Variants in PTPRO observed in about 807,000 individuals in gnomAD.
PTPRO encodes receptor-type tyrosine-protein phosphatase O.
In PTPRO, 62 loss-of-function variants were observed where a neutral mutation model predicts 145.2. That is an observed-to-expected ratio of 0.43 (90% confidence interval 0.35 to 0.53). The LOEUF (loss-of-function observed/expected upper bound fraction) is 0.53. PTPRO is among the 20% of genes least tolerant of loss of function. The pLI is 0.01. For missense variants in PTPRO, 1,345 were observed against 1,482.7 expected (o/e 0.91, Z 1.53); for synonymous variants, 565 against 514.7 (o/e 1.10, Z -1.32).
chr12:15,517,162 C>T (rs1942616887), intron 9 of PTPRO: 2 of 623,878 alleles, frequency 3.2e-6, no homozygotes, highest in Non-Finnish European at 5.6e-6. Context: ...CTTACAGTTC[C>T]ACGTGGCTGG....
chr12:15,413,629 A>C (rs1462843344), intron 1 of PTPRO, among the ~76,000 whole-genome samples: 1 of 152,110 alleles, frequency 6.6e-6, no homozygotes, highest in African/African-American at 2.4e-5. Flanking sequence ...AGCCTAGCAA[A>C]GATGATAAAA....
intron 18 of PTPRO, among the ~76,000 whole-genome samples, chr12:15,568,199 G>A (rs142440211): frequency 2.0e-5 from 3 of 152,060 alleles, no homozygotes; most frequent in African/African-American, 7.2e-5. Context: ...GGAGGCTGAG[G>A]CAGGTGGATC....
intron 12 of PTPRO, among the ~76,000 whole-genome samples, chr12:15,541,147 T>C (rs904227912): frequency 3.9e-5 from 6 of 152,206 alleles, no homozygotes; most frequent in African/African-American, 1.4e-4. Flanking sequence ...TTTGACCTTT[T>C]GGAGCATGAG....
At chr12:15,444,013 A>G (rs998451573) in intron 1 of PTPRO, among the ~76,000 whole-genome samples, 1 of 151,740 alleles carries the variant, frequency 6.6e-6, no homozygotes, top group East Asian at 1.9e-4. Context: ...AAAAAATTCT[A>G]CCAAAAAGAC....
chr12:15,462,540 T>TA (rs1285219685), intron 1 of PTPRO, among the ~76,000 whole-genome samples: 1 of 152,206 alleles, frequency 6.6e-6, no homozygotes, highest in African/African-American at 2.4e-5. Context: ...TGCTTATTTG[T>TA]AACTTATCTC....
chr12:15,328,313 G>C (rs1232174628), intron 1 of PTPRO, among the ~76,000 whole-genome samples: 1 of 151,944 alleles, frequency 6.6e-6, no homozygotes, highest in Non-Finnish European at 1.5e-5. Context: ...TTAGCCTTGT[G>C]CCAGAAAAGC....
rs530791194 is a variant in PTPRO at position 15,498,071 on chromosome 12, A to C, written c.508+668A>C. On this transcript the variant is annotated intron_variant, in intron 3 of 26. Transcript: ENST00000281171. The stretch of plus-strand genomic sequence containing the variant: ...GAAGGAACTTGAATACGCTCAGGGC[A>C]CATCGGGTGGGGGTGGGAGGTAGGT... Among the ~76,000 whole-genome samples the C allele has an allele frequency of 4.0e-5, 6 of 151,330 alleles. No homozygotes were observed. In the South Asian group the frequency reaches 1.3e-3, roughly 32 times the overall value.
At chr12:15,398,162 C>A (rs773971804) in intron 1 of PTPRO, among the ~76,000 whole-genome samples, 3 of 152,106 alleles carry the variant, frequency 2.0e-5, no homozygotes, top group African/African-American at 4.8e-5. Context: ...TGAATGGGAG[C>A]CACTTCAAAT....
intron 1 of PTPRO, among the ~76,000 whole-genome samples, chr12:15,454,046 C>T (rs1164672853): frequency 6.6e-6 from 1 of 152,234 alleles, no homozygotes; most frequent in East Asian, 1.9e-4. Flanking sequence ...CAAGAGAGTG[C>T]AAATATTTCT....
At chr12:15,571,230 AG>A (rs1944039759) in intron 19 of PTPRO, among the ~76,000 whole-genome samples, 1 of 152,178 alleles carries the variant, frequency 6.6e-6, no homozygotes, top group Non-Finnish European at 1.5e-5. Context: ...GCAGCCAGAG[AG>A]GGCAGATGTT....
intron 6 of PTPRO, among the ~76,000 whole-genome samples, chr12:15,507,159 C>A (rs767987368): frequency 2.6e-5 from 4 of 151,962 alleles, no homozygotes; most frequent in Admixed American, 2.6e-4. Flanking sequence ...ACACCTATAA[C>A]CCCAGCACTT....
rs373962189 is a variant in PTPRO at position 15,499,453 on chromosome 12, G to A, written c.520G>A (p.Gly174Arg). The A allele has an allele frequency of 8.1e-6, 13 of 1,612,922 alleles. No homozygotes were observed. Among genetic ancestry groups the A allele is most frequent in the Non-Finnish European group, 1.1e-5 (13 of 1,179,246 alleles). The change falls in exon 4 of 27, where the codon GGA (glycine) becomes AGA (arginine). Residue 174 changes from glycine (G) to arginine (R), a missense_variant. Physicochemically the swap from Gly to Arg is moderately radical, Grantham distance 125. Around this residue, in one of 3 missense-constraint regions of PTPRO, gnomAD observed 1,130 missense variants for 1,214.7 expected, o/e 0.93. Transcript: ENST00000281171. ...RTMLYKDFFKGKTVFNHWLPG... is the reference protein window; with the variant it reads ...RTMLYKDFFKRKTVFNHWLPG... ...TTTTCTCTTCACAGATTTCTTTAAG[G>A]GAAAAACAGTATTTAATCACTGGCT...
rs898602834 is a variant in PTPRO at position 15,596,820 on chromosome 12, G to A, written c.*747G>A. ...TGGTGTTTCTTCCTTGGCCCTTTTG[G>A]ACTAATGTTACTGTCCAAGTTCTTT... On this transcript the variant is annotated 3_prime_UTR_variant, in exon 27 of 27. Coordinates refer to ENST00000281171, the MANE Select transcript of PTPRO (RefSeq NM_030667.3). The A allele has an allele frequency of 4.0e-5, 6 of 151,432 alleles. No homozygotes were observed. The highest frequency in any genetic ancestry group is 1.5e-4 in the African/African-American group (6 of 40,398). 9.4% of individuals were successfully genotyped at this position (151,432 alleles called of 1,614,324 possible). A position where few individuals can be genotyped will look rare whatever the true frequency, so the allele number is the denominator to read the frequency against.
At chr12:15,467,647 T>C (rs1591837786) in intron 1 of PTPRO, among the ~76,000 whole-genome samples, 2 of 152,318 alleles carry the variant, frequency 1.3e-5, no homozygotes, top group South Asian at 4.1e-4. Context: ...TCCTGCCCCT[T>C]GAGTTTTAAG....
intron 1 of PTPRO, among the ~76,000 whole-genome samples, chr12:15,378,728 A>C (rs1938764114): frequency 6.6e-6 from 1 of 152,120 alleles, no homozygotes; most frequent in African/African-American, 2.4e-5. Context: ...ATAATACCAA[A>C]ACCAAATAAA....
intron 1 of PTPRO, among the ~76,000 whole-genome samples, chr12:15,373,514 C>T (rs1310596471): frequency 6.6e-6 from 1 of 152,128 alleles, no homozygotes; most frequent in Admixed American, 6.6e-5. Flanking sequence ...CTTTCCTCCC[C>T]ACCCACTCTG....
Position 15,581,797 on chromosome 12 carries a change from A to T in PTPRO, c.3251A>T (p.Asn1084Ile), listed in dbSNP as rs1164912430. ...DDWACRHFRI[N>I]YADEMQDVMH... Reference sequence around the variant, plus strand: ...TGGGCCTGTAGACACTTCCGGATCAACTATGTAAGTCACCAGGCAGAGAGC... The same window carrying T: ...TGGGCCTGTAGACACTTCCGGATCATCTATGTAAGTCACCAGGCAGAGAGC... Residue 1084 changes from asparagine to isoleucine, a missense_variant, in exon 23 of 27, where the codon AAC becomes ATC. By Grantham distance (149) the Asn-to-Ile change is moderately radical. This residue lies in a region of PTPRO where 208 missense variants were observed against 242.8 expected (regional missense o/e 0.86). Transcript: ENST00000281171. 1.2e-6 allele frequency: 2 copies of T among 1,613,858 alleles called. No homozygotes were observed. The highest frequency in any genetic ancestry group is 2.2e-5 in the South Asian group (2 of 91,082).
intron 1 of PTPRO, among the ~76,000 whole-genome samples, chr12:15,392,742 A>AAAAAAAG (rs56383115): frequency 6.9e-6 from 1 of 143,938 alleles, no homozygotes; most frequent in Non-Finnish European, 1.5e-5. Context: ...AAAAAAAAAA[A>AAAAAAAG]GAAGAAAAAA....
intron 11 of PTPRO, 126 bp from the exon 12 acceptor site, chr12:15,526,016 T>C (rs1194943130): frequency 1.7e-6 from 2 of 1,207,924 alleles, no homozygotes; most frequent in Non-Finnish European, 2.4e-6. Flanking sequence ...ATCTATAATA[T>C]AATCAATTGC....
Sources: allele counts gnomAD v4.1 joint callset (sites outside exome capture counted in the v4.1 genomes callset), GRCh38; gene constraint gnomAD v4.1.1; regional missense constraint gnomAD v4.1.1; transcripts MANE v1.5; gene names NCBI Gene and HGNC (gene_info 2026-07-23, HGNC 2026-07-21).